CYLC2: variants seen among roughly 807,000 people sequenced by gnomAD.
CYLC2 encodes the protein cylicin 2, also known as cylicin-2.
A neutral mutation model predicts 26.1 loss-of-function variants in CYLC2; 30 were observed. The observed-to-expected ratio is 1.15, with a 90% CI of 0.86 to 1.56. The LOEUF is 1.56. Among genes scored for constraint, CYLC2 ranks in the 40% most tolerant of loss-of-function variants. The pLI is 0.00. For missense variants in CYLC2, 498 were observed against 394.4 expected (o/e 1.26, Z -2.23); for synonymous variants, 158 against 132.8 (o/e 1.19, Z -1.31).
At chr9:102,996,967 A>C (rs1013870269) in intron 1 of CYLC2, among the ~76,000 whole-genome samples, 1 of 151,912 alleles carries the variant, frequency 6.6e-6, no homozygotes, top group Non-Finnish European at 1.5e-5. Context: ...TATCACAAAA[A>C]TTTGGTGTGA....
chr9:103,007,132 AT>A (rs1329223879), intron 5 of CYLC2, among the ~76,000 whole-genome samples: 1 of 152,114 alleles, frequency 6.6e-6, no homozygotes, highest in Non-Finnish European at 1.5e-5. Flanking sequence ...TTCTGAGTAA[AT>A]TTCTTTTAGA....
At position 103,004,864 on chromosome 9, in the gene CYLC2, T is replaced by A; in HGVS notation, c.337+13T>A. ...TCTAAAGCAGCAGGTAGAGATAACTTACTGTTTTTATAGTATCTCTGTAAT... is the reference window on the plus strand; with the variant it reads ...TCTAAAGCAGCAGGTAGAGATAACTAACTGTTTTTATAGTATCTCTGTAAT... On this transcript the variant is annotated intron_variant, in intron 4 of 7. Coordinates refer to ENST00000374798, the MANE Select transcript of CYLC2 (RefSeq NM_001340.5). 6.2e-7 allele frequency: 1 copy of A among 1,603,858 alleles called. No individual in the cohort carries two copies. The highest frequency in any genetic ancestry group is 8.5e-7 in the Non-Finnish European group (1 of 1,177,398).
intron 6 of CYLC2, among the ~76,000 whole-genome samples, chr9:103,013,572 A>G (rs1381575308): frequency 8.9e-6 from 1 of 112,750 alleles, no homozygotes; most frequent in Non-Finnish European, 1.6e-5. Flanking sequence ...TATATCTTAC[A>G]TATGTATTTA....
chr9:102,996,827 C>G (rs531108867), intron 1 of CYLC2, among the ~76,000 whole-genome samples: 4 of 152,032 alleles, frequency 2.6e-5, no homozygotes, highest in African/African-American at 9.6e-5. Flanking sequence ...TTGCTCTATC[C>G]AAACCTCAAC....
chr9:103,016,628 G>T (rs1337211380), intron 6 of CYLC2, among the ~76,000 whole-genome samples: 3 of 151,910 alleles, frequency 2.0e-5, no homozygotes, highest in Non-Finnish European at 1.5e-5. Flanking sequence ...TCAGGTTGTT[G>T]TTGTACCTGG....
At position 103,007,874 on chromosome 9, in the gene CYLC2, C is replaced by T. The variant is rs181282705; in HGVS notation, c.*700+1496C>T. On this transcript the variant is annotated intron_variant, in intron 5 of 7. Coordinates refer to ENST00000374798, the MANE Select transcript of CYLC2 (RefSeq NM_001340.5). ...AAGGAATAATTGTTTTTCTTTAACA[C>T]TTAACATTGGGTCCTGTCCCTCCTG... is the stretch of plus-strand genomic sequence containing the variant. Among the ~76,000 whole-genome samples, 1,656 of 152,144 alleles carry T rather than the reference C, an allele frequency of 0.011. 102 individuals are homozygous for T. In the East Asian group the frequency reaches 0.2, roughly 18 times the overall value.
rs964171051 is a variant in CYLC2 at position 103,005,901 on chromosome 9, TG to T, written c.*224del. ...TTAAGGGGGGATCCATTGAAAGACT[TG>T]AAGAATACATATACTTATATTCGGG... On this transcript the variant is annotated 3_prime_UTR_variant, in exon 5 of 8. Coordinates refer to ENST00000374798, the MANE Select transcript of CYLC2 (RefSeq NM_001340.5). 9.9e-6 allele frequency: 5 copies of T among 505,228 alleles called. No individual in the cohort carries two copies. Among genetic ancestry groups the T allele is most frequent in the Non-Finnish European group, 1.7e-5 (5 of 289,878 alleles). The allele number at this position is 505,228 out of a possible 1,614,324, so 31.3% of individuals were successfully genotyped here.
chr9:102,999,840 TTA>T (rs1829271007), intron 1 of CYLC2, among the ~76,000 whole-genome samples: 1 of 151,862 alleles, frequency 6.6e-6, no homozygotes, highest in South Asian at 2.1e-4. Context: ...ATTAGCAATT[TTA>T]TATGTTTGTC....
chr9:102,998,534 G>T (rs1020359833), intron 1 of CYLC2, among the ~76,000 whole-genome samples: 24 of 152,022 alleles, frequency 1.6e-4, no homozygotes, highest in Admixed American at 1.3e-3. Flanking sequence ...GAGTGGGAAA[G>T]TGCTATCAAA....
intron 6 of CYLC2, among the ~76,000 whole-genome samples, chr9:103,013,219 T>TATATTTA (rs1829431603): frequency 1.6e-5 from 1 of 61,724 alleles, no homozygotes; most frequent in African/African-American, 5.8e-5. Context: ...TATATTAATA[T>TATATTTA]GTATATTATA....
intron 5 of CYLC2, among the ~76,000 whole-genome samples, chr9:103,008,454 T>G (rs1829373994): frequency 6.6e-6 from 1 of 152,080 alleles, no homozygotes. Context: ...ATTTACTTAT[T>G]TACTCAGTTC....
chr9:103,008,610 G>A (rs1183442989), intron 5 of CYLC2, among the ~76,000 whole-genome samples: 2 of 151,916 alleles, frequency 1.3e-5, no homozygotes, highest in South Asian at 2.1e-4. Context: ...ATTAAATGAC[G>A]TTGGTATCCA....
intron 5 of CYLC2, among the ~76,000 whole-genome samples, chr9:103,011,547 G>A (rs1829407004): frequency 6.6e-6 from 1 of 152,018 alleles, no homozygotes; most frequent in African/African-American, 2.4e-5. Flanking sequence ...TCCAAGTGAA[G>A]CTAACCGATT....
In CYLC2 at chr9:103,003,277, A is replaced by G. The variant is rs1359909226; in HGVS notation, c.180+14A>G. 2.5e-6 allele frequency: 4 copies of G among 1,600,108 alleles called. No homozygotes were observed. Among genetic ancestry groups the G allele is most frequent in the African/African-American group, 1.3e-5 (1 of 74,226 alleles). On this transcript the variant is annotated intron_variant, in intron 3 of 7. Transcript: ENST00000374798. ...AACACGGTTTCTGTAAGCATTGGAA[A>G]GATTTTATAATTATCAGTAATAAGT...
At chr9:103,015,509 T>A (rs1426740717) in intron 6 of CYLC2, among the ~76,000 whole-genome samples, 1 of 141,000 alleles carries the variant, frequency 7.1e-6, no homozygotes, top group Non-Finnish European at 1.5e-5. Flanking sequence ...TATAAATATA[T>A]ATAATACATG....
Position 103,004,800 on chromosome 9 carries a change from A to G in CYLC2, c.286A>G (p.Arg96Gly). The change falls in exon 4 of 8, where the codon AGG (arginine) becomes GGG (glycine). Residue 96 changes from arginine (R) to glycine (G), a missense_variant. Physicochemically the swap from Arg to Gly is moderately radical, Grantham distance 125 (BLOSUM62 -2). Transcript: ENST00000374798. ...ERPSVYLAARRQPLKPTRTVE... is the reference protein window; with the variant it reads ...ERPSVYLAARGQPLKPTRTVE... ...ACCATCTGTTTATTTAGCTGCCAGG[A>G]GGCAGCCTCTCAAACCAACTCGTAC... 1 of 1,612,708 alleles carries G rather than the reference A, an allele frequency of 6.2e-7. No individual in the cohort carries two copies. The highest frequency in any genetic ancestry group is 8.5e-7 in the Non-Finnish European group (1 of 1,179,422).
At chr9:103,013,894 T>A (rs1829452274) in intron 6 of CYLC2, among the ~76,000 whole-genome samples, 1 of 113,382 alleles carries the variant, frequency 8.8e-6, no homozygotes, top group African/African-American at 3.7e-5. Context: ...AAATAATATA[T>A]TATATATAAT....
At chr9:102,996,161 A>G (rs1423324615) in intron 1 of CYLC2, among the ~76,000 whole-genome samples, 2 of 151,900 alleles carry the variant, frequency 1.3e-5, no homozygotes, top group African/African-American at 2.4e-5. Context: ...TAGGCTTTCC[A>G]TAGATACTGG....
At chr9:103,006,781 G>A (rs987126998) in intron 5 of CYLC2, among the ~76,000 whole-genome samples, 1 of 152,046 alleles carries the variant, frequency 6.6e-6, no homozygotes, top group African/African-American at 2.4e-5. Flanking sequence ...GTACATAGTA[G>A]ATTTAATAAT....
Sources: allele counts gnomAD v4.1 joint callset (sites outside exome capture counted in the v4.1 genomes callset), GRCh38; gene constraint gnomAD v4.1.1; transcripts MANE v1.5; gene names NCBI Gene and HGNC (gene_info 2026-07-23, HGNC 2026-07-21).